Variants in DLG2 observed in about 807,000 individuals in gnomAD.
The protein encoded by DLG2 is disks large homolog 2.
Under a neutral mutation model 132.5 loss-of-function variants are expected in DLG2, and 45 were observed. That is an observed-to-expected ratio of 0.34 (90% CI 0.27 to 0.44). The LOEUF (loss-of-function observed/expected upper bound fraction) is 0.44, where lower values mean the gene tolerates loss of function less well. DLG2 is among the 20% of genes least tolerant of loss of function. The pLI is 1.00. For missense variants in DLG2, 1,045 were observed against 1,196.9 expected (o/e 0.87, Z 1.87); for synonymous variants, 424 against 419.6 (o/e 1.01, Z -0.13).
intron 6 of DLG2, among the ~76,000 whole-genome samples, chr11:84,907,380 A>G (rs1265609675): frequency 6.6e-6 from 1 of 152,196 alleles, no homozygotes; most frequent in Admixed American, 6.5e-5. Context: ...ATTGAATAAC[A>G]AGAATAGAAT....
At chr11:85,233,696 ATTTTT>A (rs547235876) in intron 4 of DLG2, among the ~76,000 whole-genome samples, 1 of 131,364 alleles carries the variant, frequency 7.6e-6, no homozygotes. Context: ...TGGATCCTTA[ATTTTT>A]TTTTTTTTTT....
intron 17 of DLG2, among the ~76,000 whole-genome samples, chr11:83,832,695 T>C (rs2054903883): frequency 6.6e-6 from 1 of 152,038 alleles, no homozygotes; most frequent in Admixed American, 6.6e-5. Flanking sequence ...ATGCTCAACC[T>C]CAGCATCACG....
At chr11:84,980,493 C>T (rs1347367216) in intron 6 of DLG2, among the ~76,000 whole-genome samples, 2 of 152,098 alleles carry the variant, frequency 1.3e-5, no homozygotes, top group Admixed American at 1.3e-4. Context: ...CATTCACTTA[C>T]CCAGAATAAG....
In DLG2 at chr11:83,844,592, G is replaced by C. The variant is rs554082087; in HGVS notation, c.1566-10822C>G. On this transcript the variant is annotated intron_variant, in intron 16 of 27. Transcript: ENST00000376104. ...AAAAGGGCCTGGGGAACTAATCAAG[G>C]CATGTTTGAATGTCAAATAAGTTAC... Among the ~76,000 whole-genome samples the C allele has an allele frequency of 4.8e-5, 7 of 146,798 alleles. No homozygotes were observed. The East Asian group carries it at 8.0e-4, about 17-fold the overall frequency.
intron 16 of DLG2, among the ~76,000 whole-genome samples, chr11:83,870,094 T>G (rs1446744739): frequency 6.6e-6 from 1 of 152,214 alleles, no homozygotes; most frequent in Non-Finnish European, 1.5e-5. Flanking sequence ...GAATCCTCCC[T>G]TCCTTTCCAG....
chr11:84,812,434 AT>A lies in DLG2; in HGVS notation c.358-277704del, dbSNP rs542919130. On this transcript the variant is annotated intron_variant, in intron 6 of 27. Transcript: ENST00000376104. ...CTGATACTTTTGTGTGCACAATAAA[AT>A]TTTTTTAAAGCCTCAGATTGCTTAG... 3.7e-3 allele frequency among the ~76,000 whole-genome samples: 560 copies of A among 152,172 alleles called. 3 individuals are homozygous for A. Among genetic ancestry groups the A allele is most frequent in the African/African-American group, 0.013 (548 of 41,530 alleles).
chr11:83,515,964 A>G (rs2095278050), intron 21 of DLG2, among the ~76,000 whole-genome samples: 1 of 152,078 alleles, frequency 6.6e-6, no homozygotes, highest in Non-Finnish European at 1.5e-5. Context: ...CAATTTTGGA[A>G]TAGGTGTGGT....
At chr11:85,305,884 T>A (rs1024522825) in intron 3 of DLG2, among the ~76,000 whole-genome samples, 2 of 152,200 alleles carry the variant, frequency 1.3e-5, no homozygotes, top group Admixed American at 1.3e-4. Context: ...TGTGCAGCAC[T>A]TAGTATATAT....
At chr11:84,198,009 T>G (rs978354454) in intron 8 of DLG2, among the ~76,000 whole-genome samples, 4 of 152,192 alleles carry the variant, frequency 2.6e-5, no homozygotes, top group African/African-American at 9.6e-5. Context: ...TAAGATACTT[T>G]TCCCTCAAAA....
At chr11:84,385,148 C>T (rs566019439) in intron 7 of DLG2, among the ~76,000 whole-genome samples, 1 of 152,184 alleles carries the variant, frequency 6.6e-6, no homozygotes, top group South Asian at 2.1e-4. Context: ...TACCCTTCCA[C>T]ACTTAAACTG....
chr11:85,054,251 G>A (rs1313341138), intron 6 of DLG2, among the ~76,000 whole-genome samples: 3 of 149,164 alleles, frequency 2.0e-5, no homozygotes, highest in Non-Finnish European at 4.4e-5. Context: ...GCGACAGAAC[G>A]AGATTCCACC....
intron 6 of DLG2, among the ~76,000 whole-genome samples, chr11:84,896,527 T>G (rs4551791): frequency 0.097 from 14,678 of 152,070 alleles, 924 homozygotes; most frequent in African/African-American, 0.18. Flanking sequence ...AGTAATTGTA[T>G]CAATAATAAC....
At chr11:85,495,354 G>T (rs555194211) in intron 3 of DLG2, among the ~76,000 whole-genome samples, 23 of 152,192 alleles carry the variant, frequency 1.5e-4, no homozygotes, top group African/African-American at 4.8e-4. Context: ...GCAACCTACA[G>T]AATGGGAGAA....
rs1300975964 is a variant in DLG2, at chr11:83,997,567, A to G, written c.920-16925T>C. 5.9e-5 allele frequency among the ~76,000 whole-genome samples: 9 copies of G among 151,286 alleles called. No homozygotes were observed. In the East Asian group the frequency reaches 1.6e-3, roughly 26 times the overall value. On this transcript the variant is annotated intron_variant, in intron 11 of 27. Coordinates refer to ENST00000376104, the MANE Select transcript of DLG2 (RefSeq NM_001142699.3). ...AACATGGTGAAATCCCATCTCTACT[A>G]AAAATACAAAAAATTTAGCTGGGCA...
At chr11:83,927,894 C>T (rs746448819) in intron 15 of DLG2, among the ~76,000 whole-genome samples, 49 of 149,730 alleles carry the variant, frequency 3.3e-4, no homozygotes, top group Non-Finnish European at 5.6e-4. Flanking sequence ...AATTGAATGG[C>T]AGATATGAGG....
intron 3 of DLG2, among the ~76,000 whole-genome samples, chr11:85,523,779 C>T (rs2074512990): frequency 6.6e-6 from 1 of 152,292 alleles, no homozygotes; most frequent in South Asian, 2.1e-4. Flanking sequence ...CATCTGCACT[C>T]CCACGTTTAT....
At chr11:84,062,968 T>C (rs1007587828) in intron 10 of DLG2, among the ~76,000 whole-genome samples, 3 of 152,180 alleles carry the variant, frequency 2.0e-5, no homozygotes, top group Non-Finnish European at 4.4e-5. Flanking sequence ...TTTTGAAGCA[T>C]GTAAGTATAT....
In DLG2 at chr11:84,528,716, A is replaced by T. The variant is rs77775280; in HGVS notation, c.519+5854T>A. ...AGATAAAAGAAGGCAAAGAAGTTGAAAATATGACAGTTCTAATGGAGACCT... is the reference window on the plus strand; with the variant it reads ...AGATAAAAGAAGGCAAAGAAGTTGATAATATGACAGTTCTAATGGAGACCT... On this transcript the variant is annotated intron_variant, in intron 7 of 27. Coordinates refer to ENST00000376104, the MANE Select transcript of DLG2 (RefSeq NM_001142699.3). 5.3e-5 allele frequency among the ~76,000 whole-genome samples: 8 copies of T among 152,204 alleles called. No homozygotes were observed. In the East Asian group the frequency reaches 1.5e-3, roughly 29 times the overall value.
At chr11:85,463,898 T>C (rs2092695649) in intron 3 of DLG2, among the ~76,000 whole-genome samples, 1 of 151,814 alleles carries the variant, frequency 6.6e-6, no homozygotes, top group African/African-American at 2.4e-5. Flanking sequence ...ACTACTACCT[T>C]TGTAGATAGC....
Sources: allele counts gnomAD v4.1 joint callset (sites outside exome capture counted in the v4.1 genomes callset), GRCh38; gene constraint gnomAD v4.1.1; transcripts MANE v1.5; gene names NCBI Gene and HGNC (gene_info 2026-07-23, HGNC 2026-07-21).